SLC30A8: variants seen among roughly 807,000 people sequenced by gnomAD.
The protein encoded by SLC30A8 is proton-coupled zinc antiporter SLC30A8.
A neutral mutation model predicts 36.9 loss-of-function variants in SLC30A8; 27 were observed. That is an observed-to-expected ratio of 0.73 (90% CI 0.54 to 1.01). The LOEUF (loss-of-function observed/expected upper bound fraction) is 1.01, where lower values mean the gene tolerates loss of function less well. Ranked by LOEUF, SLC30A8 falls within the 50% of genes least tolerant of loss-of-function variation. SLC30A8 has a pLI of 0.00. For synonymous variants in SLC30A8, 164 were observed against 172.4 expected (o/e 0.95, Z 0.38); for missense variants, 439 against 452.0 (o/e 0.97, Z 0.26).
At chr8:117,016,457 G>A (rs1252309785) in intron 1 of SLC30A8, among the ~76,000 whole-genome samples, 1 of 152,140 alleles carries the variant, frequency 6.6e-6, no homozygotes. Flanking sequence ...CAAAGAACAA[G>A]GCAGCTATCA....
chr8:117,044,031 A>C (rs73701666), intron 2 of SLC30A8, among the ~76,000 whole-genome samples: 5 of 152,184 alleles, frequency 3.3e-5, no homozygotes, highest in African/African-American at 1.2e-4. Flanking sequence ...GTGTTGGAAG[A>C]ACTGTAATGA....
intron 2 of SLC30A8, among the ~76,000 whole-genome samples, chr8:117,150,840 C>T (rs1485591963): frequency 6.6e-6 from 1 of 152,182 alleles, no homozygotes; most frequent in East Asian, 1.9e-4. Flanking sequence ...CTCCTGACCT[C>T]GTGATCCGCC....
At chr8:116,978,968 A>G (rs1486740296) in intron 1 of SLC30A8, among the ~76,000 whole-genome samples, 1 of 149,856 alleles carries the variant, frequency 6.7e-6, no homozygotes, top group Non-Finnish European at 1.5e-5. Flanking sequence ...CGGGCACAGT[A>G]GCTCATGCCT....
chr8:117,046,901 C>A (rs1030701464), intron 2 of SLC30A8, among the ~76,000 whole-genome samples: 1 of 152,168 alleles, frequency 6.6e-6, no homozygotes, highest in Non-Finnish European at 1.5e-5. Flanking sequence ...CTATCTCAGC[C>A]TCTCCTTTTT....
chr8:117,094,644 G>T (rs371974487), intron 2 of SLC30A8, among the ~76,000 whole-genome samples: 1 of 152,272 alleles, frequency 6.6e-6, no homozygotes, highest in Admixed American at 6.5e-5. Flanking sequence ...AAAAAGCACC[G>T]CAAGTTCCCA....
At position 117,105,534 on chromosome 8, in the gene SLC30A8, AG is replaced by A. The variant is rs1367132367; in HGVS notation, c.-225-29745del. Among the ~76,000 whole-genome samples, 3 of 152,168 alleles carry A rather than the reference AG, an allele frequency of 2.0e-5. No homozygotes were observed. In the East Asian group the frequency reaches 5.8e-4, roughly 29 times the overall value. ...GAATACGCATACATGATTTATTTTA[AG>A]AAATTGGTTCGTAAGATTGGGGCCT... is the stretch of plus-strand genomic sequence containing the variant. On this transcript the variant is annotated intron_variant, in intron 2 of 10. Transcript: ENST00000427715.
chr8:117,072,937 C>A (rs1029558473), intron 2 of SLC30A8, among the ~76,000 whole-genome samples: 8 of 151,276 alleles, frequency 5.3e-5, no homozygotes, highest in Non-Finnish European at 7.4e-5. Flanking sequence ...AGAGTCCTTG[C>A]ACATGTAAAA....
At chr8:117,152,823 G>T in intron 2 of SLC30A8, 121 bp from the exon 3 acceptor site, 1 of 740,830 alleles carries the variant, frequency 1.3e-6, no homozygotes, top group South Asian at 3.6e-5. Context: ...TCAACTTTAA[G>T]ATCTCTTTTT....
At chr8:117,144,967 G>A (rs1408369980) in intron 1 of SLC30A8, among the ~76,000 whole-genome samples, 1 of 152,118 alleles carries the variant, frequency 6.6e-6, no homozygotes, top group Non-Finnish European at 1.5e-5. Flanking sequence ...AGACTGTTGT[G>A]TAGCAGTTTG....
rs1215300169 is a variant in SLC30A8 at position 117,092,173 on chromosome 8, A to G, written c.-225-43107A>G. On this transcript the variant is annotated intron_variant, in intron 2 of 10. Transcript: ENST00000427715. ...TGAGTTAGTTTTGTGCAGCATTTCA[A>G]CTGTTCTGGTAAAAACAAAATACAA... Among the ~76,000 whole-genome samples, 3 of 152,216 alleles carry G rather than the reference A, an allele frequency of 2.0e-5. No homozygotes were observed. The South Asian group carries it at 6.2e-4, about 32-fold the overall frequency.
At chr8:117,091,195 A>G (rs1261373869) in intron 2 of SLC30A8, among the ~76,000 whole-genome samples, 6 of 152,222 alleles carry the variant, frequency 3.9e-5, no homozygotes, top group African/African-American at 1.2e-4. Flanking sequence ...CCTAACTTCA[A>G]TGAGTGCAAG....
At chr8:117,112,643 A>T (rs1392798281) in intron 2 of SLC30A8, among the ~76,000 whole-genome samples, 1 of 152,164 alleles carries the variant, frequency 6.6e-6, no homozygotes, top group Non-Finnish European at 1.5e-5. Flanking sequence ...AGTTTTAGGA[A>T]GACAATGTCT....
At chr8:117,136,042 G>A (rs997417675) in intron 1 of SLC30A8, among the ~76,000 whole-genome samples, 6 of 151,860 alleles carry the variant, frequency 4.0e-5, no homozygotes, top group Admixed American at 3.9e-4. Flanking sequence ...TTGTCCTCTT[G>A]AAACTTAGTC....
intron 1 of SLC30A8, among the ~76,000 whole-genome samples, chr8:117,009,855 A>G (rs1372097567): frequency 6.6e-6 from 1 of 152,218 alleles, no homozygotes; most frequent in East Asian, 1.9e-4. Flanking sequence ...ATGTCATGGG[A>G]ACATTTTTTG....
chr8:116,988,004 T>C (rs1181725544), intron 1 of SLC30A8, among the ~76,000 whole-genome samples: 2 of 152,206 alleles, frequency 1.3e-5, no homozygotes, highest in African/African-American at 2.4e-5. Context: ...CAGCTGCCCT[T>C]AATGCTTTTA....
intron 1 of SLC30A8, among the ~76,000 whole-genome samples, chr8:116,977,977 G>GAA (rs1324264647): frequency 6.6e-6 from 1 of 151,036 alleles, no homozygotes; most frequent in Non-Finnish European, 1.5e-5. Context: ...TGCTTGCTGG[G>GAA]AAATGGCTAG....
At chr8:117,110,417 C>T (rs1397205142) in intron 2 of SLC30A8, among the ~76,000 whole-genome samples, 1 of 152,110 alleles carries the variant, frequency 6.6e-6, no homozygotes, top group East Asian at 1.9e-4. Context: ...GTAAGGTCAC[C>T]ATGTGTCATG....
At chr8:117,037,525 G>A (rs1036001933) in intron 1 of SLC30A8, among the ~76,000 whole-genome samples, 1 of 152,098 alleles carries the variant, frequency 6.6e-6, no homozygotes, top group South Asian at 2.1e-4. Context: ...CACCGCTTAA[G>A]CCAGAGAAGA....
intron 2 of SLC30A8, among the ~76,000 whole-genome samples, chr8:117,119,972 G>A (rs1201287052): frequency 1.3e-5 from 2 of 151,712 alleles, no homozygotes; most frequent in Admixed American, 6.6e-5. Flanking sequence ...TGAAAGAAAA[G>A]ACATAAGTAA....
Sources: gnomAD v4.1 joint callset for allele counts (sites outside exome capture counted in the v4.1 genomes callset) on GRCh38, gnomAD v4.1.1 for gene constraint, MANE v1.5 for transcripts, NCBI Gene and HGNC (gene_info 2026-07-23, HGNC 2026-07-21) for gene names.